Variants in MAN1A2 observed in about 807,000 individuals in gnomAD.
MAN1A2 encodes the protein mannosyl-oligosaccharide 1,2-alpha-mannosidase IB.
Under a neutral mutation model 75.7 loss-of-function variants are expected in MAN1A2, and 26 were observed. That is an observed-to-expected ratio of 0.34 (90% confidence interval 0.25 to 0.48). MAN1A2 has a LOEUF of 0.48. MAN1A2 is among the 20% of genes least tolerant of loss of function. The pLI is 0.99. For missense variants in MAN1A2, 562 were observed against 775.5 expected, an observed-to-expected ratio of 0.72 and a Z score of 3.27; for synonymous variants, 247 against 264.6, an observed-to-expected ratio of 0.93 and a Z score of 0.65.
chr1:117,489,388 G>A (rs1436506450), intron 8 of MAN1A2, among the ~76,000 whole-genome samples: 3 of 151,952 alleles, frequency 2.0e-5, no homozygotes, highest in Non-Finnish European at 4.4e-5. Flanking sequence ...CTGATCTAAT[G>A]GACAAAAATG....
chr1:117,486,320 T>C (rs1317100144), intron 8 of MAN1A2, among the ~76,000 whole-genome samples: 1 of 151,996 alleles, frequency 6.6e-6, no homozygotes, highest in Non-Finnish European at 1.5e-5. Flanking sequence ...GTGGGAATTA[T>C]GATTTTGTGG....
intron 1 of MAN1A2, among the ~76,000 whole-genome samples, chr1:117,391,136 A>G (rs1240333516): frequency 6.6e-6 from 1 of 152,070 alleles, no homozygotes; most frequent in East Asian, 1.9e-4. Flanking sequence ...CCTGGTTTCT[A>G]CTCTAATCCC....
chr1:117,502,804 CA>C (rs769891126), intron 11 of MAN1A2, 50 bp from the exon 12 acceptor site: 1 of 985,738 alleles, frequency 1.0e-6, no homozygotes. Flanking sequence ...TGTTGTCCTT[CA>C]AAACTTGAAA....
intron 8 of MAN1A2, among the ~76,000 whole-genome samples, chr1:117,467,836 AT>A (rs1650028211): frequency 6.6e-6 from 1 of 152,082 alleles, no homozygotes; most frequent in Non-Finnish European, 1.5e-5. Flanking sequence ...TATATGAAAA[AT>A]TATGTTCAGT....
At chr1:117,409,760 A>G (rs1647746202) in intron 3 of MAN1A2, among the ~76,000 whole-genome samples, 1 of 152,042 alleles carries the variant, frequency 6.6e-6, no homozygotes, top group African/African-American at 2.4e-5. Context: ...TCCATTAAGG[A>G]TGATGTATTC....
intron 1 of MAN1A2, among the ~76,000 whole-genome samples, chr1:117,373,872 A>G (rs1653055651): frequency 6.6e-6 from 1 of 152,066 alleles, no homozygotes; most frequent in South Asian, 2.1e-4. Flanking sequence ...TGCAGAAGCT[A>G]AGTATCTTCT....
chr1:117,445,892 A>ATATATG (rs1649218220), intron 6 of MAN1A2, among the ~76,000 whole-genome samples: 1 of 144,558 alleles, frequency 6.9e-6, no homozygotes, highest in South Asian at 2.1e-4. Context: ...GTGTATATAT[A>ATATATG]TATATATGTA....
intron 5 of MAN1A2, among the ~76,000 whole-genome samples, chr1:117,436,432 G>A (rs1438036010): frequency 6.6e-6 from 1 of 152,174 alleles, no homozygotes; most frequent in African/African-American, 2.4e-5. Context: ...GGTTCTACAA[G>A]TATTGGAAAA....
At chr1:117,415,471 T>C (rs936662286) in intron 4 of MAN1A2, among the ~76,000 whole-genome samples, 31 of 152,144 alleles carry the variant, frequency 2.0e-4, no homozygotes, top group African/African-American at 7.5e-4. Flanking sequence ...TAAATTGTGA[T>C]ATAAGTCCAT....
At chr1:117,432,898 A>G (rs932264226) in intron 5 of MAN1A2, among the ~76,000 whole-genome samples, 1 of 148,530 alleles carries the variant, frequency 6.7e-6, no homozygotes, top group Non-Finnish European at 1.5e-5. Flanking sequence ...TATATTATAT[A>G]TAAGAATATA....
intron 12 of MAN1A2, among the ~76,000 whole-genome samples, chr1:117,518,326 CT>C (rs1651776754): frequency 6.6e-6 from 1 of 151,944 alleles, no homozygotes; most frequent in Non-Finnish European, 1.5e-5. Context: ...TGGAAAATCA[CT>C]GTTCAAATCC....
intron 1 of MAN1A2, among the ~76,000 whole-genome samples, chr1:117,379,959 T>C (rs1175607211): frequency 6.6e-6 from 1 of 152,172 alleles, no homozygotes; most frequent in African/African-American, 2.4e-5. Context: ...TTTGTGCGCC[T>C]ATATTCGTTT....
At chr1:117,442,495 T>C (rs1230382229) in intron 6 of MAN1A2, among the ~76,000 whole-genome samples, 170 bp downstream of exon 6, 1 of 152,164 alleles carries the variant, frequency 6.6e-6, no homozygotes, top group Non-Finnish European at 1.5e-5. Flanking sequence ...CTTTAAAACA[T>C]TTTCTGATTT....
chr1:117,395,770 G>A (rs925441861), intron 1 of MAN1A2, among the ~76,000 whole-genome samples: 3 of 152,138 alleles, frequency 2.0e-5, no homozygotes, highest in African/African-American at 7.2e-5. Context: ...TGCAAAGTTT[G>A]AGGACACAGT....
chr1:117,489,760 G>T (rs1263743501), intron 8 of MAN1A2, among the ~76,000 whole-genome samples: 1 of 151,938 alleles, frequency 6.6e-6, no homozygotes, highest in Non-Finnish European at 1.5e-5. Context: ...ACTTTTAAAT[G>T]ATTAATCATC....
intron 2 of MAN1A2, among the ~76,000 whole-genome samples, chr1:117,404,315 T>C (rs1003861033): frequency 6.6e-6 from 1 of 152,172 alleles, no homozygotes; most frequent in Non-Finnish European, 1.5e-5. Context: ...TGAATAGATT[T>C]TTGGTCTACT....
chr1:117,471,804 T>C (rs939993934), intron 8 of MAN1A2, among the ~76,000 whole-genome samples: 10 of 151,970 alleles, frequency 6.6e-5, no homozygotes, highest in African/African-American at 2.4e-4. Context: ...ACTCAGTGAA[T>C]ATATATACTC....
intron 5 of MAN1A2, among the ~76,000 whole-genome samples, chr1:117,440,131 A>G (rs1329864184): frequency 1.3e-5 from 2 of 152,212 alleles, no homozygotes; most frequent in Non-Finnish European, 2.9e-5. Context: ...AAGCTCCCCA[A>G]GGTACAAAAC....
chr1:117,378,112 A>G (rs1167165593), intron 1 of MAN1A2, among the ~76,000 whole-genome samples: 1 of 152,138 alleles, frequency 6.6e-6, no homozygotes, highest in Non-Finnish European at 1.5e-5. Context: ...AAATAACAAA[A>G]TAAATAAATA....
Sources: allele counts gnomAD v4.1 joint callset (sites outside exome capture counted in the v4.1 genomes callset), GRCh38; gene constraint gnomAD v4.1.1; transcripts MANE v1.5; gene names NCBI Gene and HGNC (gene_info 2026-07-23, HGNC 2026-07-21).